The following RAD52 variants were observed in gnomAD, a reference collection of about 807,000 sequenced individuals.
RAD52 encodes DNA repair protein RAD52 homolog.
Under a neutral mutation model 55.5 loss-of-function variants are expected in RAD52, and 47 were observed. The ratio of observed to expected loss-of-function variants is 0.85; its 90% CI spans 0.67 to 1.08. The LOEUF (loss-of-function observed/expected upper bound fraction) is 1.08, where lower values mean the gene tolerates loss of function less well. Among genes scored for constraint, RAD52 ranks in the 50% least tolerant of loss-of-function variants. The pLI, the probability that RAD52 is intolerant of heterozygous loss-of-function variation, is 0.00. For missense variants in RAD52, 468 were observed against 522.8 expected (o/e 0.90, Z 1.02); for synonymous variants, 184 against 198.9 (o/e 0.92, Z 0.63).
At chr12:966,651 G>A (rs939402559) in intron 1 of RAD52, among the ~76,000 whole-genome samples, 17 of 149,988 alleles carry the variant, frequency 1.1e-4, no homozygotes, top group Middle Eastern at 3.4e-3. Flanking sequence ...TTCCTAATTT[G>A]CTGTCAGTCA....
At chr12:981,331 T>TAA (rs1448044216) in intron 1 of RAD52, among the ~76,000 whole-genome samples, 2 of 151,638 alleles carry the variant, frequency 1.3e-5, no homozygotes, top group East Asian at 3.9e-4. Context: ...CAACCCTATC[T>TAA]CAAAACAACA....
intron 1 of RAD52, among the ~76,000 whole-genome samples, chr12:970,974 C>G (rs972604926): frequency 1.3e-5 from 2 of 152,028 alleles, no homozygotes; most frequent in African/African-American, 4.8e-5. Context: ...GTAGCTGTTT[C>G]TAAGAGTCAA....
At chr12:933,390 G>A (rs1035199610) in intron 1 of RAD52, among the ~76,000 whole-genome samples, 3 of 151,430 alleles carry the variant, frequency 2.0e-5, no homozygotes, top group African/African-American at 4.9e-5. Context: ...CCCAGGAGGC[G>A]GAGGTTGCAG....
chr12:984,370 G>A, intron 1 of RAD52, among the ~76,000 whole-genome samples: 1 of 151,874 alleles, frequency 6.6e-6, no homozygotes, highest in South Asian at 2.1e-4. Context: ...TAATTTTTTT[G>A]TATTGTTAGT....
intron 7 of RAD52, among the ~76,000 whole-genome samples, chr12:925,009 G>GGC (rs1956949846): frequency 6.7e-6 from 1 of 149,768 alleles, no homozygotes; most frequent in Non-Finnish European, 1.5e-5. Context: ...GGAGTGCAGT[G>GGC]GTGCCATCTC....
chr12:922,816 T>C (rs1406163224), intron 7 of RAD52, among the ~76,000 whole-genome samples: 1 of 151,650 alleles, frequency 6.6e-6, no homozygotes, highest in Non-Finnish European at 1.5e-5. Flanking sequence ...CACAAAAAAG[T>C]ATTTTATTTT....
At chr12:978,021 T>C (rs1958956532) in intron 1 of RAD52, among the ~76,000 whole-genome samples, 1 of 152,154 alleles carries the variant, frequency 6.6e-6, no homozygotes. Context: ...GACAGTGACA[T>C]TGACACTGAT....
At chr12:939,167 A>C (rs959950590) in intron 1 of RAD52, among the ~76,000 whole-genome samples, 1 of 151,774 alleles carries the variant, frequency 6.6e-6, no homozygotes. Flanking sequence ...CATTAATTGT[A>C]AATTTTTTTT....
At position 977,802 on chromosome 12, in the gene RAD52, G is replaced by A. The variant is rs147780883; in HGVS notation, c.-19+12007C>T. 2.7e-3 allele frequency among the ~76,000 whole-genome samples: 405 copies of A among 152,332 alleles called. 4 individuals are homozygous for A. Among genetic ancestry groups the A allele is most frequent in the African/African-American group, 9.4e-3 (391 of 41,582 alleles). ...CAGAGTTATCTCACTCAGAGGGTGA[G>A]GGAGCTGGAATATTTATACACTGAC... On this transcript the variant is annotated intron_variant, in intron 1 of 11. Transcript: ENST00000430095.
intron 1 of RAD52, among the ~76,000 whole-genome samples, chr12:942,747 C>CAA (rs755913438): frequency 1.4e-4 from 15 of 103,666 alleles, no homozygotes; most frequent in African/African-American, 3.6e-4. Flanking sequence ...GACTCTGTCT[C>CAA]AAAAAAAAAA....
intron 2 of RAD52, among the ~76,000 whole-genome samples, chr12:932,484 G>C (rs971217655): frequency 5.3e-5 from 8 of 151,786 alleles, no homozygotes; most frequent in Admixed American, 1.3e-4. Context: ...GACAAAGCAA[G>C]ACTCAGTCTC....
chr12:916,343 C>T lies in RAD52; in HGVS notation c.865+1G>A, dbSNP rs777120221. 56 of 1,605,214 alleles carry T rather than the reference C, an allele frequency of 3.5e-5. No homozygotes were observed. In the Admixed American group the frequency reaches 8.5e-4, roughly 24 times the overall value. ...GGGCCCTGCTCCCACCCCTCGCTCA[C>T]CCTCACTCTTCTCAGCTGACGGCGT... On this transcript the variant is annotated splice_donor_variant, in intron 9 of 11. Coordinates refer to ENST00000358495, the MANE Select transcript of RAD52 (RefSeq NM_134424.4). LOFTEE classifies it high-confidence loss of function.
intron 1 of RAD52, among the ~76,000 whole-genome samples, chr12:981,658 G>T (rs548403982): frequency 1.1e-4 from 16 of 152,018 alleles, no homozygotes; most frequent in Non-Finnish European, 2.9e-5. Context: ...TCAGGAGGCT[G>T]AGGCAGGATA....
chr12:921,540 A>G (rs537523576), intron 7 of RAD52, among the ~76,000 whole-genome samples: 22 of 150,064 alleles, frequency 1.5e-4, no homozygotes, highest in Non-Finnish European at 3.0e-4. Context: ...TGAGTCTGGG[A>G]TATAGAGGCT....
At position 917,077 on chromosome 12, in the gene RAD52, C is replaced by T. The variant is rs374956876; in HGVS notation, c.544-257G>A. Among the ~76,000 whole-genome samples the T allele has an allele frequency of 5.1e-4, 77 of 152,290 alleles. 1 individual carries two copies. The South Asian group carries it at 0.016, about 31-fold the overall frequency. On this transcript the variant is annotated intron_variant, in intron 7 of 11. Transcript: ENST00000358495. ...CTGTAAAATCGCATTTGAATCTTTC[C>T]TGGGCTGCTGGGTCTGTCTTTGCTG...
rs1956171534 is a variant in RAD52, at chr12:912,845, T to C, written c.*546A>G. ...GCAGGATTGTAATGTCATAAATCCA[T>C]AAATTATTTATATTAAATGAAGATT... On this transcript the variant is annotated 3_prime_UTR_variant, in exon 12 of 12. Coordinates refer to ENST00000358495, the MANE Select transcript of RAD52 (RefSeq NM_134424.4). 1 of 186,596 alleles carries C rather than the reference T, an allele frequency of 5.4e-6. No individual in the cohort carries two copies. The highest frequency in any genetic ancestry group is 1.1e-5 in the Non-Finnish European group (1 of 89,176). The allele number at this position is 186,596 out of a possible 1,614,324, so 11.6% of individuals were successfully genotyped here.
rs756210722 is a variant in RAD52, at chr12:916,489, TGA to T, written c.726-8_726-7del. ...CGGCGGATGAGCTCAGGCTTCTGCA[TGA>T]GAGGGCGGCGGCGAGGACGGGCTCC... On this transcript the variant is annotated splice_polypyrimidine_tract_variant and splice_region_variant and intron_variant, in intron 8 of 11. Transcript: ENST00000358495. The T allele has an allele frequency of 8.7e-6, 14 of 1,607,074 alleles. No homozygotes were observed. The African/African-American group carries it at 1.6e-4, about 18-fold the overall frequency.
chr12:912,330 C>T lies in RAD52; in HGVS notation c.*1061G>A, dbSNP rs1956134176. The T allele has an allele frequency of 5.0e-6, 1 of 201,480 alleles. No homozygotes were observed. The highest frequency in any genetic ancestry group is 2.3e-5 in the African/African-American group (1 of 43,492). The allele number at this position is 201,480 out of a possible 1,614,324, so 12.5% of individuals were successfully genotyped here. On this transcript the variant is annotated 3_prime_UTR_variant, in exon 12 of 12. Transcript: ENST00000358495. Reference sequence around the variant, plus strand: ...AGAGAAAAAAAAACCCAGCCCTCTTCAGCTGCAGTGTATCTTCTTATACAA... The same window carrying T: ...AGAGAAAAAAAAACCCAGCCCTCTTTAGCTGCAGTGTATCTTCTTATACAA...
intron 1 of RAD52, among the ~76,000 whole-genome samples, chr12:944,846 C>T (rs1555177837): frequency 6.7e-6 from 1 of 148,840 alleles, no homozygotes; most frequent in Non-Finnish European, 1.5e-5. Context: ...CTCACAAAAC[C>T]ATTTCTTATT....
Sources: allele counts gnomAD v4.1 joint callset (sites outside exome capture counted in the v4.1 genomes callset), GRCh38; gene constraint gnomAD v4.1.1; transcripts MANE v1.5; gene names NCBI Gene and HGNC (gene_info 2026-07-23, HGNC 2026-07-21).